The following TAF2 variants were observed in gnomAD, a reference collection of about 807,000 sequenced individuals.
TAF2 encodes transcription initiation factor TFIID subunit 2.
TAF2 carries 61 observed loss-of-function variants against 138.5 expected under a neutral mutation model. That is an observed-to-expected ratio of 0.44 (90% CI 0.36 to 0.54). The LOEUF is 0.54. TAF2 is among the 20% of genes least tolerant of loss of function. The probability of loss-of-function intolerance (pLI) is 0.00; values close to 1 mark genes in which losing one functional copy is unlikely to be tolerated. For missense variants in TAF2, 1,090 were observed against 1,427.9 expected (o/e 0.76, Z 3.81); for synonymous variants, 475 against 469.9 (o/e 1.01, Z -0.14).
At chr8:119,815,978 T>TA (rs1378437379) in intron 3 of TAF2, among the ~76,000 whole-genome samples, 1 of 152,092 alleles carries the variant, frequency 6.6e-6, no homozygotes, top group East Asian at 1.9e-4. Flanking sequence ...TTCAGCCTCT[T>TA]ATCCAAGTGT....
chr8:119,735,645 T>C (rs1269166355), intron 25 of TAF2, among the ~76,000 whole-genome samples: 1 of 152,212 alleles, frequency 6.6e-6, no homozygotes, highest in African/African-American at 2.4e-5. Flanking sequence ...GCTAAACATA[T>C]TATTTATATA....
intron 22 of TAF2, among the ~76,000 whole-genome samples, chr8:119,747,521 T>C (rs571141798): frequency 3.3e-5 from 5 of 152,296 alleles, no homozygotes; most frequent in African/African-American, 4.8e-5. Flanking sequence ...GTTGACACAC[T>C]AGAGGCAAGT....
intron 15 of TAF2, among the ~76,000 whole-genome samples, chr8:119,784,411 C>T (rs751675092): frequency 1.3e-5 from 2 of 152,008 alleles, no homozygotes; most frequent in Non-Finnish European, 2.9e-5. Context: ...AAAAATTAGC[C>T]AGGCATGGTG....
intron 22 of TAF2, among the ~76,000 whole-genome samples, chr8:119,754,983 C>T (rs1204282837): frequency 6.6e-6 from 1 of 152,192 alleles, no homozygotes; most frequent in African/African-American, 2.4e-5. Context: ...GCTAGCATAA[C>T]ATTTTTGAGT....
At chr8:119,797,981 ATGT>A (rs1374083001) in intron 6 of TAF2, 135 bp from the exon 7 acceptor site, 3 of 883,530 alleles carry the variant, frequency 3.4e-6, no homozygotes, top group Non-Finnish European at 5.2e-6. Flanking sequence ...CTGAAAGAAA[ATGT>A]TGTGAAAATA....
chr8:119,793,262 TTAAA>T, intron 10 of TAF2, 100 bp downstream of exon 10: 3 of 972,314 alleles, frequency 3.1e-6, no homozygotes, highest in Non-Finnish European at 4.8e-6. Flanking sequence ...AAGAAAAAGG[TTAAA>T]TAAATTCTGA....
intron 11 of TAF2, among the ~76,000 whole-genome samples, chr8:119,790,410 A>G (rs1407479084): frequency 6.6e-6 from 1 of 152,136 alleles, no homozygotes; most frequent in Non-Finnish European, 1.5e-5. Flanking sequence ...ACTGCACTCC[A>G]GCCTGGGTGA....
chr8:119,758,248 GC>G (rs1820832736), intron 20 of TAF2, 106 bp from the exon 21 acceptor site: 2 of 1,000,192 alleles, frequency 2.0e-6, no homozygotes, highest in Admixed American at 3.8e-5. Context: ...CTCTGCCTTA[GC>G]TGAGTTTTCA....
chr8:119,734,045 G>A (rs879782024), intron 25 of TAF2, among the ~76,000 whole-genome samples: 14 of 152,148 alleles, frequency 9.2e-5, no homozygotes, highest in Non-Finnish European at 1.6e-4. Flanking sequence ...CCTACGAGTA[G>A]AGGCCAGAGA....
intron 21 of TAF2, among the ~76,000 whole-genome samples, chr8:119,756,649 T>C (rs956009147): frequency 1.3e-5 from 2 of 152,314 alleles, no homozygotes; most frequent in Admixed American, 6.5e-5. Context: ...ATTTTAAATA[T>C]AAAGTTTGTA....
intron 18 of TAF2, 141 bp from the exon 19 acceptor site, chr8:119,762,749 C>T: frequency 1.5e-6 from 1 of 673,150 alleles, no homozygotes; most frequent in South Asian, 2.0e-5. Flanking sequence ...AAACATTCAA[C>T]TCCACCCTTT....
chr8:119,753,113 A>C (rs1022952031), intron 22 of TAF2, among the ~76,000 whole-genome samples: 17 of 152,184 alleles, frequency 1.1e-4, no homozygotes, highest in African/African-American at 3.4e-4. Context: ...CTCATGATAA[A>C]ATGCTATTTT....
chr8:119,748,778 G>A (rs774358046), intron 22 of TAF2, among the ~76,000 whole-genome samples: 3 of 152,140 alleles, frequency 2.0e-5, no homozygotes, highest in Non-Finnish European at 4.4e-5. Context: ...AAAGGCTAGA[G>A]GGTCTCAACC....
chr8:119,755,086 CA>C (rs576564179), intron 22 of TAF2, among the ~76,000 whole-genome samples: 133 of 152,294 alleles, frequency 8.7e-4, no homozygotes, highest in Non-Finnish European at 1.6e-3. Flanking sequence ...CAAATGAAAA[CA>C]GTTCAGACAA....
intron 18 of TAF2, among the ~76,000 whole-genome samples, chr8:119,769,616 G>A (rs1422496208): frequency 1.3e-5 from 2 of 151,952 alleles, no homozygotes; most frequent in Non-Finnish European, 2.9e-5. Context: ...ATTTTTAGAA[G>A]AGCAACAAAC....
At chr8:119,780,952 A>T in intron 17 of TAF2, 101 bp downstream of exon 17, 5 of 1,175,850 alleles carry the variant, frequency 4.3e-6, no homozygotes, top group Non-Finnish European at 4.7e-6. Flanking sequence ...AAAAAAAAAA[A>T]GAATGGAGGC....
chr8:119,797,873 T>C (rs1186406811), intron 6 of TAF2, 27 bp from the exon 7 acceptor site: 3 of 1,610,212 alleles, frequency 1.9e-6, no homozygotes, highest in Non-Finnish European at 2.5e-6. Context: ...AGGAAGATCA[T>C]CTAAATGAAA....
At chr8:119,786,595 G>A (rs1307101460) in intron 14 of TAF2, among the ~76,000 whole-genome samples, 2 of 152,124 alleles carry the variant, frequency 1.3e-5, no homozygotes, top group Non-Finnish European at 2.9e-5. Flanking sequence ...AGGAAAAAAA[G>A]ATACCTGATA....
rs567499020 is a variant in TAF2, at chr8:119,791,652, G to T, written c.1278-193C>A. The T allele has an allele frequency of 1.0e-3, 579 of 558,574 alleles. 1 individual carries two copies. The highest frequency in any genetic ancestry group is 1.6e-3 in the Non-Finnish European group (520 of 328,000). The allele number at this position is 558,574 out of a possible 1,614,324, so 34.6% of individuals were successfully genotyped here. ...TGAAGTTTTACTTAAGGACATAAAG[G>T]AAAATCTGAATAAATGGAAACAAAC... On this transcript the variant is annotated intron_variant, in intron 10 of 25. Coordinates refer to ENST00000378164, the MANE Select transcript of TAF2 (RefSeq NM_003184.4).
Sources: gnomAD v4.1 joint callset for allele counts (sites outside exome capture counted in the v4.1 genomes callset) on GRCh38, gnomAD v4.1.1 for gene constraint, MANE v1.5 for transcripts, NCBI Gene and HGNC (gene_info 2026-07-23, HGNC 2026-07-21) for gene names.